Variants in SLC30A7 observed in about 807,000 individuals in gnomAD.
The protein encoded by SLC30A7 is zinc transporter 7.
A neutral mutation model predicts 46.0 loss-of-function variants in SLC30A7; 35 were observed. The observed-to-expected ratio is 0.76, with a 90% CI of 0.58 to 1.01. The LOEUF (loss-of-function observed/expected upper bound fraction) is 1.01. Ranked by LOEUF, SLC30A7 falls within the 50% of genes least tolerant of loss-of-function variation. SLC30A7 has a pLI of 0.00. For synonymous variants in SLC30A7, 147 were observed against 157.8 expected (o/e 0.93, Z 0.51); for missense variants, 464 against 451.1 (o/e 1.03, Z -0.26).
At chr1:100,928,134 G>T (rs1263759544) in intron 8 of SLC30A7, among the ~76,000 whole-genome samples, 2 of 152,156 alleles carry the variant, frequency 1.3e-5, no homozygotes, top group Non-Finnish European at 2.9e-5. Context: ...GTGACTGAAG[G>T]GGGGCAATCA....
chr1:100,927,367 A>G (rs911301801), intron 8 of SLC30A7, among the ~76,000 whole-genome samples: 1 of 152,184 alleles, frequency 6.6e-6, no homozygotes. Context: ...GAAGCCTTGT[A>G]AAGAAACCTG....
At chr1:100,921,580 GCTTA>G (rs1652934477) in intron 7 of SLC30A7, 122 bp from the exon 8 acceptor site, 2 of 649,898 alleles carry the variant, frequency 3.1e-6, no homozygotes, top group Non-Finnish European at 5.0e-6. Flanking sequence ...GAATATACAT[GCTTA>G]CTTATTTTTG....
chr1:100,915,143 TTCCC>T (rs141558747), intron 6 of SLC30A7, among the ~76,000 whole-genome samples: 1,335 of 99,188 alleles, frequency 0.013, 11 homozygotes, highest in African/African-American at 0.022. Context: ...TCTTCTTTCT[TTCCC>T]TCCCTCCCTT....
At chr1:100,943,015 A>G (rs562492959) in intron 8 of SLC30A7, among the ~76,000 whole-genome samples, 59 of 152,318 alleles carry the variant, frequency 3.9e-4, no homozygotes, top group Admixed American at 2.7e-3. Context: ...TTAAGGCTCA[A>G]AATGTTTTGA....
chr1:100,986,409 TA>T (rs568152369), downstream of SLC30A7, among the ~76,000 whole-genome samples: 1,533 of 128,826 alleles, frequency 0.012, 15 homozygotes, highest in African/African-American at 0.025. Flanking sequence ...AACTCTTGTC[TA>T]AAAAAAAAAA....
In SLC30A7 at chr1:100,978,293, C is replaced by T. The variant is rs1463471047; in HGVS notation, c.*3436C>T. Reference sequence around the variant, plus strand: ...GCTATGCCTTTTTTGCACCTTTGTACAGCAGCCAAATCATGAACTCAAAAT... The same window carrying T: ...GCTATGCCTTTTTTGCACCTTTGTATAGCAGCCAAATCATGAACTCAAAAT... On this transcript the variant is annotated 3_prime_UTR_variant, in exon 11 of 11. Coordinates refer to ENST00000357650, the MANE Select transcript of SLC30A7 (RefSeq NM_133496.5). The T allele has an allele frequency of 1.3e-5, 2 of 152,178 alleles. No homozygotes were observed. Among genetic ancestry groups the T allele is most frequent in the African/African-American group, 4.8e-5 (2 of 41,436 alleles). The allele number at this position is 152,178 out of a possible 1,614,324, so 9.4% of individuals were successfully genotyped here.
downstream of SLC30A7, among the ~76,000 whole-genome samples, chr1:100,986,012 T>A (rs1195625668): frequency 6.6e-6 from 1 of 152,150 alleles, no homozygotes. Context: ...GCAAAAGACA[T>A]GAACTGATGC....
chr1:100,977,178 A>G lies in SLC30A7; in HGVS notation c.*2321A>G, dbSNP rs552600818. ...ATACTGATATTTCACATACGGAGAT[A>G]TTTGAAGACCCAAGTCTGCCTTTCA... is the stretch of plus-strand genomic sequence containing the variant. On this transcript the variant is annotated 3_prime_UTR_variant, in exon 11 of 11. Transcript: ENST00000357650. The G allele has an allele frequency of 1.3e-5, 2 of 152,130 alleles. No homozygotes were observed. Among genetic ancestry groups the G allele is most frequent in the East Asian group, 3.9e-4 (2 of 5,186 alleles). 9.4% of individuals were successfully genotyped at this position (152,130 alleles called of 1,614,324 possible). A position where few individuals can be genotyped will look rare whatever the true frequency, so the allele number is the denominator to read the frequency against.
At chr1:100,968,510 AACCTTGGTGGCGCCTC>A (rs1386972170) in intron 10 of SLC30A7, among the ~76,000 whole-genome samples, 2 of 152,140 alleles carry the variant, frequency 1.3e-5, no homozygotes, top group Non-Finnish European at 2.9e-5. Flanking sequence ...GAAAAATAAA[AACCTTGGTGGCGCCTC>A]ATTGCCATCC....
At chr1:100,906,441 G>A (rs1008523579) in intron 2 of SLC30A7, among the ~76,000 whole-genome samples, 9 of 152,154 alleles carry the variant, frequency 5.9e-5, no homozygotes, top group African/African-American at 2.2e-4. Context: ...TCAAAAGGGT[G>A]GAGCAGGATA....
At chr1:100,936,686 A>G (rs1342147055) in intron 8 of SLC30A7, among the ~76,000 whole-genome samples, 1 of 152,168 alleles carries the variant, frequency 6.6e-6, no homozygotes, top group Non-Finnish European at 1.5e-5. Flanking sequence ...ACTGCCATCC[A>G]TCCACAGAAC....
the SLC30A7 span, chr1:100,990,204 A>G: frequency 3.5e-6 from 2 of 563,388 alleles, no homozygotes; most frequent in African/African-American, 3.8e-5. Flanking sequence ...AATGCCAGGC[A>G]CTTATAAAAC....
Position 100,896,201 on chromosome 1 carries a change from C to T in SLC30A7, c.-62C>T. The T allele has an allele frequency of 2.0e-6, 3 of 1,463,424 alleles. No individual in the cohort carries two copies. Among genetic ancestry groups the T allele is most frequent in the Non-Finnish European group, 2.9e-6 (3 of 1,043,750 alleles). 90.7% of individuals were successfully genotyped at this position (1,463,424 alleles called of 1,614,324 possible). The stretch of plus-strand genomic sequence containing the variant: ...GTTTGAGGCGTCACTACTGTCACTG[C>T]CATCACCCCACGGAGCCACTTCTAG... On this transcript the variant is annotated 5_prime_UTR_variant, in exon 1 of 11. Transcript: ENST00000357650.
chr1:100,962,419 T>C (rs1655598181), intron 9 of SLC30A7, among the ~76,000 whole-genome samples: 1 of 152,254 alleles, frequency 6.6e-6, no homozygotes, highest in Admixed American at 6.5e-5. Context: ...AAGGAAGTTA[T>C]ATTCAAGGAA....
rs1015444496 is a variant in SLC30A7 at position 100,977,605 on chromosome 1, C to T, written c.*2748C>T. The T allele has an allele frequency of 3.3e-5, 5 of 152,114 alleles. No homozygotes were observed. The highest frequency in any genetic ancestry group is 1.3e-4 in the Admixed American group (2 of 15,270). 9.4% of individuals were successfully genotyped at this position (152,114 alleles called of 1,614,324 possible). ...ACTCTTAAAAAAACCAAACAAAACT[C>T]GTATCTGAGTGTAACTTTGCCAATA... On this transcript the variant is annotated 3_prime_UTR_variant, in exon 11 of 11. Coordinates refer to ENST00000357650, the MANE Select transcript of SLC30A7 (RefSeq NM_133496.5).
At position 100,974,983 on chromosome 1, in the gene SLC30A7, G is replaced by A. The variant is rs190381720; in HGVS notation, c.*126G>A. ...TACAACTCCCGAGCACTAAGTAGACGGGGTAGAGTCAGCCGTTCATGCTTT... is the reference window on the plus strand; with the variant it reads ...TACAACTCCCGAGCACTAAGTAGACAGGGTAGAGTCAGCCGTTCATGCTTT... On this transcript the variant is annotated 3_prime_UTR_variant, in exon 11 of 11. Coordinates refer to ENST00000357650, the MANE Select transcript of SLC30A7 (RefSeq NM_133496.5). 15 of 637,900 alleles carry A rather than the reference G, an allele frequency of 2.4e-5. No homozygotes were observed. Among genetic ancestry groups the A allele is most frequent in the Admixed American group, 1.5e-4 (5 of 32,724 alleles). The allele number at this position is 637,900 out of a possible 1,614,324, so 39.5% of individuals were successfully genotyped here. A position where few individuals can be genotyped will look rare whatever the true frequency, so the allele number is the denominator to read the frequency against.
chr1:100,963,738 A>C (rs1570589149), intron 9 of SLC30A7, among the ~76,000 whole-genome samples: 2 of 152,198 alleles, frequency 1.3e-5, no homozygotes, highest in Non-Finnish European at 2.9e-5. Context: ...GATTCTTTTT[A>C]ACTTAATTTC....
rs71084855 is a variant in SLC30A7, at chr1:100,923,004, ATTTTTTTTTTTTTTTTT to A, written c.842+1178_842+1194del. Among the ~76,000 whole-genome samples the A allele has an allele frequency of 6.1e-5, 3 of 49,110 alleles. 1 individual carries two copies. Among genetic ancestry groups the A allele is most frequent in the African/African-American group, 1.8e-4 (2 of 10,820 alleles). 32.2% of individuals were successfully genotyped at this position (49,110 alleles called of 152,430 possible). ...TATAGCTTGTAGTTTGTTAGAATAG[ATTTTTTTTTTTTTTTTT>A]TTTTTTTTTTTTTTGAGACGGAGTC... On this transcript the variant is annotated intron_variant, in intron 8 of 10. Coordinates refer to ENST00000357650, the MANE Select transcript of SLC30A7 (RefSeq NM_133496.5).
chr1:100,995,098 A>C, the SLC30A7 span: 2 of 1,560,330 alleles, frequency 1.3e-6, no homozygotes, highest in South Asian at 1.1e-5. Context: ...CATTCTCAGA[A>C]TAATAACTTA....
Sources: gnomAD v4.1 joint callset for allele counts (sites outside exome capture counted in the v4.1 genomes callset) on GRCh38, gnomAD v4.1.1 for gene constraint, MANE v1.5 for transcripts, NCBI Gene and HGNC (gene_info 2026-07-23, HGNC 2026-07-21) for gene names.